CACHD1: variants seen among roughly 807,000 people sequenced by gnomAD.
CACHD1 encodes the protein VWFA and cache domain-containing protein 1.
CACHD1 carries 71 observed loss-of-function variants against 138.7 expected under a neutral mutation model. The observed-to-expected ratio is 0.51, with a 90% confidence interval of 0.42 to 0.62. CACHD1 has a LOEUF of 0.62. Among genes scored for constraint, CACHD1 ranks in the 20% least tolerant of loss-of-function variants. The pLI is 0.00. For synonymous variants in CACHD1, 578 were observed against 591.5 expected, an observed-to-expected ratio of 0.98 and a Z score of 0.33; for missense variants, 1,389 against 1,625.3, an observed-to-expected ratio of 0.85 and a Z score of 2.50.
chr1:64,623,834 A>C (rs749425886), intron 4 of CACHD1, among the ~76,000 whole-genome samples: 57 of 152,326 alleles, frequency 3.7e-4, no homozygotes, highest in Non-Finnish European at 5.9e-4. Context: ...CTGCCCATTA[A>C]TCACTTAAAT....
chr1:64,569,025 G>A (rs919961846), intron 2 of CACHD1, among the ~76,000 whole-genome samples: 7 of 152,048 alleles, frequency 4.6e-5, no homozygotes, highest in Non-Finnish European at 7.4e-5. Flanking sequence ...GGATTCAAAC[G>A]ATTTTCCTGC....
intron 2 of CACHD1, among the ~76,000 whole-genome samples, chr1:64,576,500 A>C (rs1646968687): frequency 6.6e-6 from 1 of 152,040 alleles, no homozygotes; most frequent in South Asian, 2.1e-4. Context: ...GGAAGAAAAA[A>C]AAAAAAAGAC....
intron 1 of CACHD1, among the ~76,000 whole-genome samples, chr1:64,488,830 T>G (rs1402376962): frequency 1.3e-5 from 2 of 152,238 alleles, no homozygotes; most frequent in Non-Finnish European, 1.5e-5. Flanking sequence ...AATAAGAAAC[T>G]AAATAATTAT....
At chr1:64,666,013 TAAATAAA>T in intron 15 of CACHD1, 37 bp from the exon 16 acceptor site, 1 of 1,217,106 alleles carries the variant, frequency 8.2e-7, no homozygotes, top group Non-Finnish European at 1.2e-6. Flanking sequence ...TCAAAAAAAA[TAAATAAA>T]AAATAAAATA....
chr1:64,470,757 C>A lies in CACHD1; in HGVS notation c.13C>A (p.Pro5Thr). Reference protein sequence around the residue: MARQPEEEETAVARA... With the variant: MARQTEEEETAVARA... Reference sequence around the variant, plus strand: ...GGGGGGAGGCAGCATGGCCCGCCAGCCGGAGGAAGAGGAGACGGCCGTGGC... The same window carrying A: ...GGGGGGAGGCAGCATGGCCCGCCAGACGGAGGAAGAGGAGACGGCCGTGGC... The change falls in exon 1 of 27, where the codon CCG (proline) becomes ACG (threonine). Residue 5 changes from proline to threonine, a missense_variant. This residue lies in a region of CACHD1 where 1,000 missense variants were observed against 1,114.7 expected (regional missense o/e 0.90). Transcript: ENST00000651257. This position sits in a 1 kb window ranked among gnomAD's most constrained non-coding sequence, Gnocchi z 5.2. 1.3e-6 allele frequency: 1 copy of A among 743,938 alleles called. No individual in the cohort carries two copies. Among genetic ancestry groups the A allele is most frequent in the Admixed American group, 3.0e-5 (1 of 33,892 alleles). 46.1% of individuals were successfully genotyped at this position (743,938 alleles called of 1,614,324 possible).
At chr1:64,541,812 G>A (rs1044168940) in intron 1 of CACHD1, among the ~76,000 whole-genome samples, 1 of 152,174 alleles carries the variant, frequency 6.6e-6, no homozygotes, top group Non-Finnish European at 1.5e-5. Context: ...ATCCACCTGG[G>A]TGATAAGAAA....
chr1:64,521,507 A>G (rs535303466), intron 1 of CACHD1, among the ~76,000 whole-genome samples: 1 of 152,350 alleles, frequency 6.6e-6, no homozygotes, highest in South Asian at 2.1e-4. Context: ...TTAGTTTAAT[A>G]TCTTCAAGCT....
At chr1:64,677,092 C>A in intron 22 of CACHD1, 81 bp downstream of exon 22, 3 of 1,104,270 alleles carry the variant, frequency 2.7e-6, no homozygotes, top group South Asian at 2.8e-5. Flanking sequence ...AAAGGTATGT[C>A]AGTTTTTCAG....
intron 24 of CACHD1, among the ~76,000 whole-genome samples, chr1:64,680,070 A>G (rs1276849112): frequency 6.6e-6 from 1 of 152,190 alleles, no homozygotes; most frequent in Middle Eastern, 3.2e-3. Flanking sequence ...TGCCCTTGCA[A>G]TTCCAAAAAG....
intron 4 of CACHD1, among the ~76,000 whole-genome samples, chr1:64,620,134 GT>G (rs1647857176): frequency 6.6e-6 from 1 of 152,016 alleles, no homozygotes; most frequent in Non-Finnish European, 1.5e-5. Context: ...TATCTTATCA[GT>G]TTTTTCATCC....
intron 24 of CACHD1, among the ~76,000 whole-genome samples, chr1:64,680,594 C>CT (rs774724909): frequency 6.6e-6 from 1 of 152,174 alleles, no homozygotes; most frequent in Non-Finnish European, 1.5e-5. Flanking sequence ...TATCTGTACT[C>CT]TGTTTGCAGG....
chr1:64,483,370 A>G (rs1381073218), intron 1 of CACHD1, among the ~76,000 whole-genome samples: 1 of 152,198 alleles, frequency 6.6e-6, no homozygotes, highest in African/African-American at 2.4e-5. Context: ...AACACAGACT[A>G]TGTGCCAGGT....
intron 3 of CACHD1, among the ~76,000 whole-genome samples, chr1:64,593,869 G>T (rs937577729): frequency 3.3e-5 from 5 of 152,178 alleles, no homozygotes; most frequent in Non-Finnish European, 2.9e-5. Context: ...TTTAAACAAT[G>T]TGTTACTTAC....
intron 3 of CACHD1, among the ~76,000 whole-genome samples, chr1:64,587,814 A>C (rs898449814): frequency 6.6e-6 from 1 of 152,218 alleles, no homozygotes; most frequent in Non-Finnish European, 1.5e-5. Flanking sequence ...GAGTGAACAA[A>C]TGCATAATTA....
chr1:64,644,488 A>T (rs2100665654), intron 8 of CACHD1, among the ~76,000 whole-genome samples: 1 of 152,338 alleles, frequency 6.6e-6, no homozygotes, highest in East Asian at 1.9e-4. Context: ...GCCTGGGCAG[A>T]TACTTCTTTA....
chr1:64,558,227 C>T (rs995291170), intron 2 of CACHD1, among the ~76,000 whole-genome samples: 3 of 152,224 alleles, frequency 2.0e-5, no homozygotes, highest in Admixed American at 1.3e-4. Context: ...AACAGTTGAT[C>T]CTTTTCATCT....
intron 3 of CACHD1, among the ~76,000 whole-genome samples, chr1:64,597,521 G>GTT (rs1647164030): frequency 1.1e-4 from 7 of 63,840 alleles, no homozygotes; most frequent in African/African-American, 4.6e-4. Flanking sequence ...TTTTTTTTTT[G>GTT]TTGTTTTTTT....
At chr1:64,471,749 C>G (rs902993252) in intron 1 of CACHD1, among the ~76,000 whole-genome samples, 1 of 152,154 alleles carries the variant, frequency 6.6e-6, no homozygotes, top group Non-Finnish European at 1.5e-5. Flanking sequence ...TCCCATTTCT[C>G]CAGATTGTTT....
chr1:64,653,830 T>C lies in CACHD1; in HGVS notation c.1613T>C (p.Ile538Thr). The change falls in exon 11 of 27, where the codon ATA (isoleucine) becomes ACA (threonine). Residue 538 changes from isoleucine to threonine, a missense_variant. By Grantham distance (89) the Ile-to-Thr change is moderately conservative. Transcript: ENST00000651257. ...LSEPPLHTDI[I>T]HYENIPKFEL... ...GAGCCCCCACTTCATACTGACATCA[T>C]ACATTATGAAAATATTCCAAAATTT... The C allele has an allele frequency of 6.2e-7, 1 of 1,611,602 alleles. No homozygotes were observed. Among genetic ancestry groups the C allele is most frequent in the South Asian group, 1.1e-5 (1 of 91,012 alleles).
Sources: allele counts gnomAD v4.1 joint callset (sites outside exome capture counted in the v4.1 genomes callset), GRCh38; gene constraint gnomAD v4.1.1; regional missense constraint gnomAD v4.1.1; non-coding constraint Gnocchi (gnomAD v3.1); transcripts MANE v1.5; gene names NCBI Gene and HGNC (gene_info 2026-07-23, HGNC 2026-07-21).